The following ANO6 variants were observed in gnomAD, a reference collection of about 807,000 sequenced individuals.
ANO6 encodes anoctamin-6.
A neutral mutation model predicts 117.5 loss-of-function variants in ANO6; 106 were observed. The ratio of observed to expected loss-of-function variants is 0.90; its 90% confidence interval spans 0.77 to 1.06. The LOEUF (loss-of-function observed/expected upper bound fraction) is 1.06. Ranked by LOEUF, ANO6 falls within the 50% of genes least tolerant of loss-of-function variation. The pLI is 0.00. For missense variants in ANO6, 955 were observed against 1,121.1 expected, an observed-to-expected ratio of 0.85 and a Z score of 2.12; for synonymous variants, 367 against 385.1, an observed-to-expected ratio of 0.95 and a Z score of 0.55.
At chr12:45,242,788 G>GT (rs1483031359) in intron 1 of ANO6, among the ~76,000 whole-genome samples, 6 of 152,024 alleles carry the variant, frequency 3.9e-5, no homozygotes, top group African/African-American at 1.4e-4. Context: ...CCTCTGAGTG[G>GT]TTTTTTCTTT....
chr12:45,279,601 A>G (rs1938658946), intron 1 of ANO6, among the ~76,000 whole-genome samples: 1 of 152,210 alleles, frequency 6.6e-6, no homozygotes, highest in African/African-American at 2.4e-5. Flanking sequence ...CTTTTGTTAC[A>G]TTATGGGGCG....
chr12:45,255,364 A>G (rs182172187), intron 1 of ANO6, among the ~76,000 whole-genome samples: 96 of 152,256 alleles, frequency 6.3e-4, no homozygotes, highest in Non-Finnish European at 1.0e-3. Context: ...TTAGCTGGCC[A>G]TGGTGGCGTG....
At chr12:45,390,662 C>T (rs1252893563) in intron 12 of ANO6, among the ~76,000 whole-genome samples, 164 bp downstream of exon 12, 1 of 152,142 alleles carries the variant, frequency 6.6e-6, no homozygotes, top group Non-Finnish European at 1.5e-5. Flanking sequence ...ATTTTAGCCA[C>T]CACATAGAGC....
In ANO6 at chr12:45,226,826, A is replaced by G. The variant is rs190057965; in HGVS notation, c.70+10435A>G. 7.9e-5 allele frequency among the ~76,000 whole-genome samples: 12 copies of G among 151,900 alleles called. No homozygotes were observed. The East Asian group carries it at 2.1e-3, about 27-fold the overall frequency. ...ACATTTTCTCTGCATATGAAACTCA[A>G]TAAGATCCTTAACATTATTTAAAAA... On this transcript the variant is annotated intron_variant, in intron 1 of 19. Transcript: ENST00000320560.
At chr12:45,343,101 C>G (rs1169580835) in intron 3 of ANO6, among the ~76,000 whole-genome samples, 2 of 152,110 alleles carry the variant, frequency 1.3e-5, no homozygotes, top group Non-Finnish European at 2.9e-5. Flanking sequence ...GCGTAAGGAG[C>G]ACCTTAAAAG....
chr12:45,390,379 G>C (rs1320518636), intron 11 of ANO6, 42 bp from the exon 12 acceptor site: 1 of 1,424,570 alleles, frequency 7.0e-7, no homozygotes, highest in Non-Finnish European at 9.9e-7. Flanking sequence ...TTTTATTACA[G>C]TAATCCCTTG....
At chr12:45,408,761 G>C (rs917143386) in intron 15 of ANO6, among the ~76,000 whole-genome samples, 3 of 152,054 alleles carry the variant, frequency 2.0e-5, no homozygotes, top group African/African-American at 7.2e-5. Context: ...CCTACCCTGC[G>C]TGCTGTCTGT....
chr12:45,339,957 T>C (rs924295200), intron 3 of ANO6, among the ~76,000 whole-genome samples: 3 of 152,160 alleles, frequency 2.0e-5, no homozygotes, highest in Admixed American at 2.0e-4. Context: ...AGTATATTCA[T>C]TAATTTTACT....
chr12:45,370,937 C>T (rs1277497736), intron 9 of ANO6, among the ~76,000 whole-genome samples: 1 of 152,126 alleles, frequency 6.6e-6, no homozygotes, highest in Non-Finnish European at 1.5e-5. Context: ...TCTGCATTTC[C>T]ATCTGAGGTA....
intron 2 of ANO6, among the ~76,000 whole-genome samples, chr12:45,322,042 G>A (rs1005548186): frequency 6.6e-6 from 1 of 152,114 alleles, no homozygotes; most frequent in Non-Finnish European, 1.5e-5. Context: ...GGTGCTGGCA[G>A]TTTTACCCAC....
At chr12:45,244,542 A>G (rs971695195) in intron 1 of ANO6, among the ~76,000 whole-genome samples, 5 of 151,950 alleles carry the variant, frequency 3.3e-5, no homozygotes, top group African/African-American at 9.7e-5. Context: ...TTTTCATTAG[A>G]TTCTTAAGGG....
intron 1 of ANO6, among the ~76,000 whole-genome samples, chr12:45,291,820 AGT>A: frequency 6.6e-6 from 1 of 152,192 alleles, no homozygotes; most frequent in East Asian, 1.9e-4. Flanking sequence ...CAAAATAGTA[AGT>A]GTTGGTGAGT....
chr12:45,321,016 G>A (rs2137367359), intron 2 of ANO6, among the ~76,000 whole-genome samples: 1 of 151,996 alleles, frequency 6.6e-6, no homozygotes, highest in Admixed American at 6.6e-5. Context: ...GTGTGTCTCT[G>A]CACGTGAGAT....
intron 12 of ANO6, among the ~76,000 whole-genome samples, chr12:45,397,374 T>C (rs182115760): frequency 4.7e-4 from 72 of 152,290 alleles, no homozygotes; most frequent in African/African-American, 1.6e-3. Context: ...ATAGGAATGC[T>C]TTTACACTGT....
chr12:45,356,223 G>A (rs1941407252), intron 7 of ANO6, among the ~76,000 whole-genome samples: 1 of 152,126 alleles, frequency 6.6e-6, no homozygotes, highest in African/African-American at 2.4e-5. Flanking sequence ...CTAGCTATAA[G>A]GAATACAGGG....
chr12:45,243,832 G>A (rs1201759618), intron 1 of ANO6, among the ~76,000 whole-genome samples: 1 of 152,208 alleles, frequency 6.6e-6, no homozygotes, highest in Non-Finnish European at 1.5e-5. Context: ...TTACAGGCAT[G>A]AGCCACTGTG....
At chr12:45,251,508 G>A (rs1184491359) in intron 1 of ANO6, among the ~76,000 whole-genome samples, 1 of 152,116 alleles carries the variant, frequency 6.6e-6, no homozygotes, top group East Asian at 1.9e-4. Context: ...GTTCAGATGG[G>A]GCTGTACATT....
chr12:45,422,682 C>T (rs563580332), intron 18 of ANO6, among the ~76,000 whole-genome samples: 1 of 151,652 alleles, frequency 6.6e-6, no homozygotes, highest in East Asian at 2.0e-4. Flanking sequence ...TCAAGCAATT[C>T]TCATGCCTCA....
intron 1 of ANO6, among the ~76,000 whole-genome samples, chr12:45,248,638 T>C (rs1280920583): frequency 6.6e-6 from 1 of 152,212 alleles, no homozygotes. Context: ...TTCACCATGC[T>C]GGTCAGGCTG....
Sources: gnomAD v4.1 joint callset for allele counts (sites outside exome capture counted in the v4.1 genomes callset) on GRCh38, gnomAD v4.1.1 for gene constraint, MANE v1.5 for transcripts, NCBI Gene and HGNC (gene_info 2026-07-23, HGNC 2026-07-21) for gene names.